SPANXN2: variants seen among roughly 807,000 people sequenced by gnomAD.
SPANXN2 encodes the protein sperm protein associated with the nucleus on the X chromosome N2.
SPANXN2 carries 1 observed loss-of-function variant against 2.0 expected under a neutral mutation model. The observed-to-expected ratio is 0.50, with a 90% CI of 0.18 to 2.36. SPANXN2 has a LOEUF of 2.36. Ranked by LOEUF, SPANXN2 falls within the 30% of genes most tolerant of loss-of-function variation. The pLI is 0.26. For synonymous variants in SPANXN2, 43 were observed against 49.8 expected, an observed-to-expected ratio of 0.86 and a Z score of 0.58; for missense variants, 88 against 116.7, an observed-to-expected ratio of 0.75 and a Z score of 1.13.
intron 1 of SPANXN2, among the ~76,000 whole-genome samples, chrX:143,718,184 G>A (rs1404711124): frequency 9.0e-6 from 1 of 111,532 alleles, no homozygotes; most frequent in Non-Finnish European, 1.9e-5. Flanking sequence ...TTCCTCATGC[G>A]ATTATGAGTC....
chrX:143,716,633 C>T (rs782500272), intron 1 of SPANXN2, among the ~76,000 whole-genome samples: 22 of 112,289 alleles, frequency 2.0e-4, no homozygotes, highest in Middle Eastern at 4.7e-3. Flanking sequence ...CATATGGCAA[C>T]GCCCCAGAAG....
At chrX:143,715,728 C>A (rs782032261) in intron 1 of SPANXN2, among the ~76,000 whole-genome samples, 1 of 106,631 alleles carries the variant, frequency 9.4e-6, no homozygotes, top group Non-Finnish European at 1.9e-5. Flanking sequence ...CCTGTTAACT[C>A]TCCCCACAAC....
In SPANXN2 at chrX:143,712,505, A is replaced by G. The variant is rs1556448570; in HGVS notation, c.79-6T>C. Reference sequence around the variant, plus strand: ...CTGTTCGGTGCCTCCTGCATCTGATAAGAAAACAGGGAGAGGCCAGAAAGT... The same window carrying G: ...CTGTTCGGTGCCTCCTGCATCTGATGAGAAAACAGGGAGAGGCCAGAAAGT... On this transcript the variant is annotated splice_polypyrimidine_tract_variant and splice_region_variant and intron_variant, in intron 1 of 1. Coordinates refer to ENST00000598475, the Ensembl canonical transcript of SPANXN2. 2 of 1,203,436 alleles carry G rather than the reference A, an allele frequency of 1.7e-6. No homozygotes were observed. The highest frequency in any genetic ancestry group is 2.2e-6 in the Non-Finnish European group (2 of 891,563).
intron 1 of SPANXN2, among the ~76,000 whole-genome samples, chrX:143,712,944 G>A (rs1556448759): frequency 9.0e-6 from 1 of 111,596 alleles, no homozygotes; most frequent in African/African-American, 3.3e-5. Flanking sequence ...ATATCCTGCC[G>A]GATAGCATCC....
At chrX:143,720,270 A>G (rs1932342507) in intron 1 of SPANXN2, among the ~76,000 whole-genome samples, 1 of 110,546 alleles carries the variant, frequency 9.0e-6, no homozygotes. Context: ...CACAGGTCCA[A>G]CTAAAGAAAC....
At chrX:143,713,397 C>T (rs143103655) in intron 1 of SPANXN2, among the ~76,000 whole-genome samples, 1 of 111,925 alleles carries the variant, frequency 8.9e-6, no homozygotes, top group African/African-American at 3.3e-5. Context: ...CATTTCTGGA[C>T]ATCACATCCA....
intron 1 of SPANXN2, among the ~76,000 whole-genome samples, chrX:143,717,864 CATT>C (rs1248760249): frequency 4.5e-5 from 5 of 111,832 alleles, no homozygotes; most frequent in East Asian, 2.8e-4. Context: ...GATTCCTATA[CATT>C]CTAACAATAG....
At chrX:143,715,905 A>G in intron 1 of SPANXN2, among the ~76,000 whole-genome samples, 1 of 111,699 alleles carries the variant, frequency 9.0e-6, no homozygotes, top group Non-Finnish European at 1.9e-5. Context: ...TTGAACTAAA[A>G]GACAACTATT....
intron 1 of SPANXN2, among the ~76,000 whole-genome samples, chrX:143,718,067 C>T (rs1932299741): frequency 9.0e-6 from 1 of 111,281 alleles, no homozygotes; most frequent in South Asian, 3.8e-4. Context: ...AATGGGCTTT[C>T]CATATTCCTT....
At chrX:143,714,043 C>T (rs1312798526) in intron 1 of SPANXN2, among the ~76,000 whole-genome samples, 2 of 109,063 alleles carry the variant, frequency 1.8e-5, no homozygotes, top group South Asian at 4.1e-4. Flanking sequence ...CACACCCGTT[C>T]TTCAGCCTCC....
At chrX:143,714,716 A>G (rs1483209671) in intron 1 of SPANXN2, among the ~76,000 whole-genome samples, 2 of 112,181 alleles carry the variant, frequency 1.8e-5, no homozygotes, top group African/African-American at 6.5e-5. Context: ...TTTATACTTT[A>G]TCTCCCAGTC....
intron 1 of SPANXN2, among the ~76,000 whole-genome samples, chrX:143,715,964 G>A (rs190455466): frequency 4.5e-5 from 5 of 111,123 alleles, no homozygotes; most frequent in Non-Finnish European, 9.4e-5. Flanking sequence ...GCTTTGACTT[G>A]GTCAAATCCT....
exon 2 of SPANXN2, chrX:143,712,322 C>A: frequency 8.2e-7 from 1 of 1,212,675 alleles, no homozygotes; most frequent in Non-Finnish European, 1.1e-6. Context: ...AGGCCTTCGT[C>A]CTCCTCCTCT....
At chrX:143,719,147 A>G (rs1932317886) in intron 1 of SPANXN2, among the ~76,000 whole-genome samples, 2 of 110,079 alleles carry the variant, frequency 1.8e-5, no homozygotes, top group African/African-American at 6.6e-5. Context: ...AAATCCACCC[A>G]CACCGTCACA....
chrX:143,712,795 C>CTA (rs1932190441), intron 1 of SPANXN2, among the ~76,000 whole-genome samples: 1 of 111,768 alleles, frequency 8.9e-6, no homozygotes, highest in South Asian at 3.8e-4. Flanking sequence ...CCTGCCTAAC[C>CTA]ACCTGACCAC....
chrX:143,716,106 C>G lies in SPANXN2; in HGVS notation c.79-3607G>C, dbSNP rs149609468. Among the ~76,000 whole-genome samples the G allele has an allele frequency of 8.4e-3, 929 of 110,915 alleles. 10 individuals are homozygous for G. The highest frequency in any genetic ancestry group is 0.029 in the African/African-American group (893 of 30,449). On this transcript the variant is annotated intron_variant, in intron 1 of 1. Transcript: ENST00000598475. ...CATCAAGGACCTAGCTGAACTTCCC[C>G]TTGCTCCTAGTACCCTCCTCCAGTA...
chrX:143,712,899 G>T (rs2124001513), intron 1 of SPANXN2, among the ~76,000 whole-genome samples: 1 of 111,419 alleles, frequency 9.0e-6, no homozygotes, highest in South Asian at 3.8e-4. Context: ...ACTGGAAAAA[G>T]GGCCAAACCA....
intron 1 of SPANXN2, among the ~76,000 whole-genome samples, chrX:143,718,600 C>A (rs1932309762): frequency 8.9e-6 from 1 of 111,994 alleles, no homozygotes; most frequent in Non-Finnish European, 1.9e-5. Context: ...TATTCTCCTT[C>A]CCTGACAAGA....
chrX:143,712,772 C>G (rs1932190161), intron 1 of SPANXN2, among the ~76,000 whole-genome samples: 1 of 111,472 alleles, frequency 9.0e-6, no homozygotes, highest in Non-Finnish European at 1.9e-5. Context: ...GGGGCTCAGG[C>G]CGTGAGAAAC....
Sources: gnomAD v4.1 joint callset for allele counts (sites outside exome capture counted in the v4.1 genomes callset) on GRCh38, gnomAD v4.1.1 for gene constraint, MANE v1.5 for transcripts, NCBI Gene and HGNC (gene_info 2026-07-23, HGNC 2026-07-21) for gene names.